RETREG1: variants seen among roughly 807,000 people sequenced by gnomAD.
RETREG1 encodes family with sequence similarity 134 member B.
RETREG1 carries 44 observed loss-of-function variants against 54.8 expected under a neutral mutation model. That is an observed-to-expected ratio of 0.80 (90% CI 0.63 to 1.03). The LOEUF (loss-of-function observed/expected upper bound fraction) is 1.03. Ranked by LOEUF, RETREG1 falls within the 50% of genes least tolerant of loss-of-function variation. The pLI is 0.00. For missense variants in RETREG1, 554 were observed against 605.1 expected, an observed-to-expected ratio of 0.92 and a Z score of 0.89; for synonymous variants, 217 against 238.5, an observed-to-expected ratio of 0.91 and a Z score of 0.83.
rs2126628875 is a variant in RETREG1, at chr5:16,565,754, G to A, written c.458+9C>T. ...CCATTAAGCACAACACGGAAAGAAA[G>A]TTCCCTACCTTTCACTGAGGCTTCT... On this transcript the variant is annotated intron_variant, in intron 3 of 8. Coordinates refer to ENST00000306320, the MANE Select transcript of RETREG1 (RefSeq NM_001034850.3). 1 of 1,614,006 alleles carries A rather than the reference G, an allele frequency of 6.2e-7. No homozygotes were observed. The highest frequency in any genetic ancestry group is 1.7e-5 in the Admixed American group (1 of 60,014).
chr5:16,500,274 A>G (rs1739650935), intron 3 of RETREG1, among the ~76,000 whole-genome samples: 1 of 152,190 alleles, frequency 6.6e-6, no homozygotes, highest in African/African-American at 2.4e-5. Context: ...ATTGTAATGC[A>G]TTGCTACATC....
At chr5:16,513,737 G>A (rs1466989826) in intron 3 of RETREG1, among the ~76,000 whole-genome samples, 1 of 152,186 alleles carries the variant, frequency 6.6e-6, no homozygotes, top group Non-Finnish European at 1.5e-5. Context: ...GCCATTTTCA[G>A]AAAAACATTT....
At position 16,481,458 on chromosome 5, in the gene RETREG1, A is replaced by G. The variant is rs111789010; in HGVS notation, c.586-365T>C. 2.2e-3 allele frequency among the ~76,000 whole-genome samples: 333 copies of G among 152,198 alleles called. 2 individuals carry two copies. The highest frequency in any genetic ancestry group is 7.7e-3 in the African/African-American group (320 of 41,566). ...TTACTTCGCTCATTTAAGGAAATTA[A>G]TGCGGCCTGATAACTACATCTGAAA... is the stretch of plus-strand genomic sequence containing the variant. On this transcript the variant is annotated intron_variant, in intron 4 of 8. Coordinates refer to ENST00000306320, the MANE Select transcript of RETREG1 (RefSeq NM_001034850.3).
chr5:16,487,167 T>G (rs1312361792), intron 3 of RETREG1, among the ~76,000 whole-genome samples: 1 of 152,200 alleles, frequency 6.6e-6, no homozygotes, highest in Admixed American at 6.5e-5. Context: ...GAGTTTGTAC[T>G]AAGTTCCTAA....
intron 3 of RETREG1, among the ~76,000 whole-genome samples, chr5:16,498,926 CT>C (rs1739583815): frequency 6.6e-6 from 1 of 152,094 alleles, no homozygotes; most frequent in South Asian, 2.1e-4. Flanking sequence ...CTTACTGTAA[CT>C]TTTTTACTTA....
rs570061366 is a variant in RETREG1 at position 16,594,834 on chromosome 5, G to A, written c.320+21818C>T. Among the ~76,000 whole-genome samples, 3 of 152,306 alleles carry A rather than the reference G, an allele frequency of 2.0e-5. No homozygotes were observed. Among genetic ancestry groups the A allele is most frequent in the South Asian group, 2.1e-4 (1 of 4,826 alleles). On this transcript the variant is annotated intron_variant, in intron 1 of 8. Transcript: ENST00000306320. The surrounding 1 kb of genome is among the most constrained non-coding windows in gnomAD (Gnocchi z 4.4). ...CTGATGTGACAGATGACATAATGAT[G>A]CAAGGTGTTGTTTTCAATTTATCCA... is the stretch of plus-strand genomic sequence containing the variant.
At chr5:16,616,469 G>T (rs2126386865) in intron 1 of RETREG1, 183 bp downstream of exon 1, 2 of 1,094,862 alleles carry the variant, frequency 1.8e-6, no homozygotes, top group South Asian at 3.5e-5. Context: ...AGGGACGTGC[G>T]TCCGGAGGAA....
chr5:16,550,993 G>A (rs1741519687), intron 3 of RETREG1, among the ~76,000 whole-genome samples: 1 of 152,220 alleles, frequency 6.6e-6, no homozygotes, highest in Admixed American at 6.5e-5. Context: ...CTTTTGGGGT[G>A]ATGGAAATGT....
chr5:16,587,074 GC>G (rs1742643220), intron 1 of RETREG1, among the ~76,000 whole-genome samples: 1 of 152,214 alleles, frequency 6.6e-6, no homozygotes. Context: ...ACATAAGAAT[GC>G]GGGGACAAAA....
chr5:16,615,538 T>C (rs574845955), intron 1 of RETREG1, among the ~76,000 whole-genome samples: 35 of 152,350 alleles, frequency 2.3e-4, no homozygotes, highest in African/African-American at 8.2e-4. Flanking sequence ...TCCTTCTTAT[T>C]TGAGTGCTCG....
chr5:16,522,092 G>A (rs367679540), intron 3 of RETREG1, among the ~76,000 whole-genome samples: 1 of 139,152 alleles, frequency 7.2e-6, no homozygotes, highest in East Asian at 2.4e-4. Flanking sequence ...TCCAAGCAAT[G>A]GGGCTTGGGA....
chr5:16,487,325 A>G (rs1739057872), intron 3 of RETREG1, among the ~76,000 whole-genome samples: 1 of 152,136 alleles, frequency 6.6e-6, no homozygotes, highest in Non-Finnish European at 1.5e-5. Flanking sequence ...TCATCTTTCT[A>G]TCCATCTCCC....
intron 3 of RETREG1, among the ~76,000 whole-genome samples, chr5:16,553,368 G>T (rs1366195252): frequency 6.6e-6 from 1 of 151,370 alleles, no homozygotes; most frequent in Middle Eastern, 3.5e-3. Context: ...CATAAATATG[G>T]TACCATTTTG....
chr5:16,605,860 C>A (rs1175544172), intron 1 of RETREG1, among the ~76,000 whole-genome samples: 2 of 152,122 alleles, frequency 1.3e-5, no homozygotes, highest in African/African-American at 4.8e-5. Context: ...CATGAGGACT[C>A]CCCCTTCATG....
chr5:16,530,713 A>T (rs535727090), intron 3 of RETREG1, among the ~76,000 whole-genome samples: 1 of 152,262 alleles, frequency 6.6e-6, no homozygotes, highest in East Asian at 1.9e-4. Context: ...TCTAGACTAA[A>T]AATACAAAAA....
intron 1 of RETREG1, among the ~76,000 whole-genome samples, chr5:16,604,942 A>G (rs1415877357): frequency 6.6e-6 from 1 of 152,214 alleles, no homozygotes; most frequent in African/African-American, 2.4e-5. Context: ...TTCCCATAAG[A>G]CATTTATTGT....
In RETREG1 at chr5:16,497,012, C is replaced by T. The variant is rs73044204; in HGVS notation, c.459-13540G>A. ...CTGCTAGTTCAGGGTGTCATAGGTT[C>T]AGACACATGGCTATACAAAGGTGAT... On this transcript the variant is annotated intron_variant, in intron 3 of 8. Transcript: ENST00000306320. Among the ~76,000 whole-genome samples, 736 of 152,284 alleles carry T rather than the reference C, an allele frequency of 4.8e-3. 6 individuals are homozygous for T. Among genetic ancestry groups the T allele is most frequent in the African/African-American group, 0.017 (687 of 41,548 alleles).
At chr5:16,606,223 A>T (rs1743187340) in intron 1 of RETREG1, among the ~76,000 whole-genome samples, 1 of 152,178 alleles carries the variant, frequency 6.6e-6, no homozygotes, top group South Asian at 2.1e-4. Flanking sequence ...TTGCAAGTCA[A>T]GTACTGGATG....
chr5:16,548,481 T>C (rs981211431), intron 3 of RETREG1, among the ~76,000 whole-genome samples: 9 of 152,168 alleles, frequency 5.9e-5, no homozygotes, highest in Admixed American at 5.2e-4. Flanking sequence ...CCCCAGTTGA[T>C]CCACAGAAAC....
Sources: allele counts gnomAD v4.1 joint callset (sites outside exome capture counted in the v4.1 genomes callset), GRCh38; gene constraint gnomAD v4.1.1; non-coding constraint Gnocchi (gnomAD v3.1); transcripts MANE v1.5; gene names NCBI Gene and HGNC (gene_info 2026-07-23, HGNC 2026-07-21).